CYB5A: variants seen among roughly 807,000 people sequenced by gnomAD.
The protein encoded by CYB5A is cytochrome b5.
In CYB5A, 10 loss-of-function variants were observed where a neutral mutation model predicts 16.2. The observed-to-expected ratio is 0.62, with a 90% CI of 0.38 to 1.04. CYB5A has a LOEUF of 1.04. CYB5A is among the 50% of genes least tolerant of loss of function. CYB5A has a pLI of 0.01. For synonymous variants in CYB5A, 62 were observed against 57.0 expected, an observed-to-expected ratio of 1.09 and a Z score of -0.40; for missense variants, 161 against 165.9, an observed-to-expected ratio of 0.97 and a Z score of 0.16.
At chr18:74,255,128 G>A (rs995497641) in intron 4 of CYB5A, among the ~76,000 whole-genome samples, 1 of 152,166 alleles carries the variant, frequency 6.6e-6, no homozygotes, top group Non-Finnish European at 1.5e-5. Flanking sequence ...GAACACCAAC[G>A]GACTGAGGCA....
At chr18:74,255,710 A>C (rs745589543) in intron 4 of CYB5A, 31 bp downstream of exon 4, 2 of 1,597,328 alleles carry the variant, frequency 1.3e-6, no homozygotes, top group Non-Finnish European at 1.7e-6. Context: ...CCTCCCACCC[A>C]CTACTGCTTT....
At chr18:74,291,601 A>T in intron 1 of CYB5A, 146 bp downstream of exon 1, 1 of 1,255,026 alleles carries the variant, frequency 8.0e-7, no homozygotes, top group Non-Finnish European at 1.1e-6. Flanking sequence ...AAGCGCGCCC[A>T]GGCGTACACG....
rs768388551 is a variant in CYB5A at position 74,291,720 on chromosome 18, G to A, written c.129+27C>T. The A allele has an allele frequency of 4.3e-6, 7 of 1,613,330 alleles. No individual in the cohort carries two copies. In the Admixed American group the frequency reaches 5.0e-5, roughly 12 times the overall value. On this transcript the variant is annotated intron_variant, in intron 1 of 4. Transcript: ENST00000340533. Reference sequence around the variant, plus strand: ...CCCAAACCCGGCCCACGCTCCCTGCGCCCCAAGCCGCTCATCCCCAACTCA... The same window carrying A: ...CCCAAACCCGGCCCACGCTCCCTGCACCCCAAGCCGCTCATCCCCAACTCA...
intron 1 of CYB5A, 30 bp from the exon 2 acceptor site, chr18:74,263,507 T>A: frequency 6.2e-7 from 1 of 1,612,260 alleles, no homozygotes; most frequent in Non-Finnish European, 8.5e-7. Flanking sequence ...AATAAAAATT[T>A]TTTTTTCAGG....
chr18:74,264,027 A>G (rs1023906615), intron 1 of CYB5A, among the ~76,000 whole-genome samples: 1 of 152,318 alleles, frequency 6.6e-6, no homozygotes, highest in East Asian at 1.9e-4. Flanking sequence ...CCTGGCCTAC[A>G]TGGCGAAACC....
At chr18:74,254,619 A>C in intron 4 of CYB5A, among the ~76,000 whole-genome samples, 1 of 151,252 alleles carries the variant, frequency 6.6e-6, no homozygotes, top group African/African-American at 2.4e-5. Context: ...TCCTGGGTTC[A>C]CACCATTCTC....
intron 1 of CYB5A, among the ~76,000 whole-genome samples, chr18:74,290,569 T>G (rs1366051277): frequency 6.6e-6 from 1 of 152,160 alleles, no homozygotes; most frequent in Non-Finnish European, 1.5e-5. Context: ...AAAACAGGCC[T>G]TTTGATTTTA....
chr18:74,274,059 T>A (rs1366198979), intron 1 of CYB5A, among the ~76,000 whole-genome samples: 1 of 152,056 alleles, frequency 6.6e-6, no homozygotes, highest in Non-Finnish European at 1.5e-5. Context: ...AGCGAGAGAG[T>A]GCACACGTGG....
intron 1 of CYB5A, among the ~76,000 whole-genome samples, chr18:74,266,486 T>C (rs1285286307): frequency 6.6e-6 from 1 of 152,246 alleles, no homozygotes; most frequent in Admixed American, 6.5e-5. Flanking sequence ...GTTAAAAACA[T>C]GGACTTGGCC....
At chr18:74,256,640 C>T (rs1981993762) in intron 3 of CYB5A, 1 of 591,350 alleles carries the variant, frequency 1.7e-6, no homozygotes, top group Non-Finnish European at 3.0e-6. Flanking sequence ...GGGCCTCAAA[C>T]AGAAGTTGCC....
chr18:74,253,549 G>A lies in CYB5A; in HGVS notation c.*35C>T. On this transcript the variant is annotated 3_prime_UTR_variant, in exon 5 of 5. Coordinates refer to ENST00000340533, the MANE Select transcript of CYB5A (RefSeq NM_148923.4). Reference sequence around the variant, plus strand: ...TGGCTTCTTTTCTCCCGTGTCCAAAGCAGGCTCTTCCTGCGCTGACTTCTG... The same window carrying A: ...TGGCTTCTTTTCTCCCGTGTCCAAAACAGGCTCTTCCTGCGCTGACTTCTG... 2.8e-6 allele frequency: 4 copies of A among 1,431,944 alleles called. No individual in the cohort carries two copies. The highest frequency in any genetic ancestry group is 3.9e-6 in the Non-Finnish European group (4 of 1,015,914). The allele number at this position is 1,431,944 out of a possible 1,614,324, so 88.7% of individuals were successfully genotyped here.
chr18:74,263,553 A>C (rs946685381), intron 1 of CYB5A, 76 bp from the exon 2 acceptor site: 3 of 1,326,418 alleles, frequency 2.3e-6, no homozygotes, highest in Admixed American at 3.4e-5. Context: ...GAATTTATTT[A>C]ACCAAACAGG....
chr18:74,263,263 G>T, intron 2 of CYB5A, 86 bp downstream of exon 2: 25 of 1,503,704 alleles, frequency 1.7e-5, no homozygotes, highest in East Asian at 5.0e-5. Flanking sequence ...CTTTTAAAAT[G>T]TGTATACATG....
intron 4 of CYB5A, among the ~76,000 whole-genome samples, chr18:74,255,473 C>T (rs1241196175): frequency 6.6e-6 from 1 of 152,194 alleles, no homozygotes; most frequent in Non-Finnish European, 1.5e-5. Context: ...AGATGCTGCC[C>T]TGGGGGAAAA....
intron 1 of CYB5A, among the ~76,000 whole-genome samples, chr18:74,281,650 A>T (rs962438090): frequency 2.6e-5 from 4 of 152,164 alleles, no homozygotes; most frequent in Non-Finnish European, 5.9e-5. Context: ...GGTGGATTGG[A>T]GACCAGGCTT....
intron 4 of CYB5A, among the ~76,000 whole-genome samples, chr18:74,255,127 C>T (rs920521639): frequency 2.0e-5 from 3 of 152,122 alleles, no homozygotes; most frequent in Admixed American, 6.5e-5. Flanking sequence ...AGAACACCAA[C>T]GGACTGAGGC....
chr18:74,266,936 T>C (rs1982462378), intron 1 of CYB5A, among the ~76,000 whole-genome samples: 1 of 151,820 alleles, frequency 6.6e-6, no homozygotes, highest in Admixed American at 6.6e-5. Flanking sequence ...GAAAATCAAA[T>C]CCTAAAAATT....
chr18:74,269,098 T>C (rs900809449), intron 1 of CYB5A, among the ~76,000 whole-genome samples: 2 of 152,104 alleles, frequency 1.3e-5, no homozygotes, highest in Admixed American at 6.5e-5. Flanking sequence ...CAGAAGACAT[T>C]AACTGCCACA....
chr18:74,289,502 G>A (rs1277005259), intron 1 of CYB5A, among the ~76,000 whole-genome samples: 1 of 152,148 alleles, frequency 6.6e-6, no homozygotes, highest in Non-Finnish European at 1.5e-5. Context: ...AGGGCTGGGA[G>A]CAGTGGCTCA....
Sources: allele counts gnomAD v4.1 joint callset (sites outside exome capture counted in the v4.1 genomes callset), GRCh38; gene constraint gnomAD v4.1.1; transcripts MANE v1.5; gene names NCBI Gene and HGNC (gene_info 2026-07-23, HGNC 2026-07-21).